Variants in ZFPM2 observed in about 807,000 individuals in gnomAD.
ZFPM2 encodes zinc finger protein, FOG family member 2.
A neutral mutation model predicts 98.6 loss-of-function variants in ZFPM2; 20 were observed. The observed-to-expected ratio is 0.20, with a 90% confidence interval of 0.14 to 0.29. ZFPM2 has a LOEUF of 0.29. ZFPM2 is among the 10% of genes least tolerant of loss of function. The probability of loss-of-function intolerance (pLI) is 1.00; values close to 1 mark genes in which losing one functional copy is unlikely to be tolerated. For missense variants in ZFPM2, 1,310 were observed against 1,388.6 expected (o/e 0.94, Z 0.90); for synonymous variants, 518 against 502.7 (o/e 1.03, Z -0.41).
In ZFPM2 at chr8:105,629,539, G is replaced by A. The variant is rs371703062; in HGVS notation, c.421-4707G>A. ...ATAGACTTGAGGGCTTAAAACAACA[G>A]AAATTTATTATCTCATATCCTGTAG... On this transcript the variant is annotated intron_variant, in intron 4 of 7. Transcript: ENST00000407775. Among the ~76,000 whole-genome samples, 3 of 152,140 alleles carry A rather than the reference G, an allele frequency of 2.0e-5. No homozygotes were observed. The East Asian group carries it at 5.8e-4, about 29-fold the overall frequency.
chr8:105,780,452 C>A (rs1213121192), intron 5 of ZFPM2: 1 of 152,158 alleles, frequency 6.6e-6, no homozygotes, highest in Non-Finnish European at 1.5e-5. Context: ...ATATAATCAA[C>A]AAATTTACCA....
intron 5 of ZFPM2, 123 bp from the exon 6 acceptor site, chr8:105,788,595 A>ACACTC: frequency 1.1e-6 from 1 of 931,436 alleles, no homozygotes; most frequent in Non-Finnish European, 1.7e-6. Context: ...CCTTGATCAA[A>ACACTC]CACTCCACTC....
At chr8:105,524,787 G>A (rs1358460284) in intron 3 of ZFPM2, among the ~76,000 whole-genome samples, 1 of 152,104 alleles carries the variant, frequency 6.6e-6, no homozygotes, top group Non-Finnish European at 1.5e-5. Flanking sequence ...GGCTGCACAA[G>A]TGTCAACTTT....
chr8:105,696,317 A>C (rs1027335976), intron 5 of ZFPM2, among the ~76,000 whole-genome samples: 6 of 152,132 alleles, frequency 3.9e-5, no homozygotes, highest in African/African-American at 1.2e-4. Flanking sequence ...TCCTTCACTT[A>C]CCCTTATATG....
intron 5 of ZFPM2, among the ~76,000 whole-genome samples, chr8:105,713,190 G>A (rs187424091): frequency 3.8e-4 from 57 of 151,778 alleles, no homozygotes; most frequent in African/African-American, 1.1e-3. Context: ...TAGTCTCCCC[G>A]GCATGTTATT....
At chr8:105,330,243 G>C (rs1812186215) in intron 1 of ZFPM2, among the ~76,000 whole-genome samples, 1 of 151,356 alleles carries the variant, frequency 6.6e-6, no homozygotes. Flanking sequence ...ATTTTTCTCT[G>C]AGTTTTAAGG....
chr8:105,703,796 A>G (rs1811197679), intron 5 of ZFPM2, among the ~76,000 whole-genome samples: 1 of 152,206 alleles, frequency 6.6e-6, no homozygotes. Context: ...TGTTCAGGGC[A>G]ATATGGCTCA....
At chr8:105,483,998 TGCTGGGA>T (rs1813178154) in intron 3 of ZFPM2, among the ~76,000 whole-genome samples, 1 of 152,040 alleles carries the variant, frequency 6.6e-6, no homozygotes. Context: ...CCTCCCAAGG[TGCTGGGA>T]TTACAGGTGT....
intron 4 of ZFPM2, among the ~76,000 whole-genome samples, chr8:105,623,802 C>T (rs1563747609): frequency 6.6e-6 from 1 of 152,104 alleles, no homozygotes; most frequent in Non-Finnish European, 1.5e-5. Context: ...GTATGTACCT[C>T]TGTTAGATAC....
At chr8:105,339,787 TTC>T (rs1330830241) in intron 1 of ZFPM2, among the ~76,000 whole-genome samples, 1 of 151,918 alleles carries the variant, frequency 6.6e-6, no homozygotes, top group Non-Finnish European at 1.5e-5. Flanking sequence ...CTCATTCATA[TTC>T]TCTCTCTCGC....
chr8:105,754,946 A>ATGTGTGTG lies in ZFPM2; in HGVS notation c.533-33741_533-33734dup, dbSNP rs34267329. On this transcript the variant is annotated intron_variant, in intron 5 of 7. Transcript: ENST00000407775. ...TTGTGACGGTCTGGAGAAATTTAAT[A>ATGTGTGTG]TGTGTGTGTGTGTGTGTGTGTGTGT... is the stretch of plus-strand genomic sequence containing the variant. 3.8e-3 allele frequency among the ~76,000 whole-genome samples: 561 copies of ATGTGTGTG among 146,548 alleles called. 4 individuals carry two copies. The highest frequency in any genetic ancestry group is 9.3e-3 in the African/African-American group (377 of 40,392).
chr8:105,716,861 T>C (rs1429206397), intron 5 of ZFPM2, among the ~76,000 whole-genome samples: 3 of 152,018 alleles, frequency 2.0e-5, no homozygotes, highest in Admixed American at 2.0e-4. Flanking sequence ...TCTCCACCAA[T>C]GCTGAGCCTC....
chr8:105,497,650 T>C (rs1813502342), intron 3 of ZFPM2, among the ~76,000 whole-genome samples: 1 of 152,176 alleles, frequency 6.6e-6, no homozygotes, highest in African/African-American at 2.4e-5. Context: ...GAATTAGCTT[T>C]TTTACTTCAT....
At chr8:105,461,360 C>A (rs1289947112) in intron 3 of ZFPM2, among the ~76,000 whole-genome samples, 1 of 152,054 alleles carries the variant, frequency 6.6e-6, no homozygotes, top group African/African-American at 2.4e-5. Flanking sequence ...TGAAATATTT[C>A]AACCATGATT....
chr8:105,323,778 A>C (rs1207049782), intron 1 of ZFPM2, among the ~76,000 whole-genome samples: 2 of 151,878 alleles, frequency 1.3e-5, no homozygotes, highest in Non-Finnish European at 3.0e-5. Flanking sequence ...TTTAAAGTTC[A>C]ATGGAGTCAG....
At chr8:105,450,985 G>GAA (rs1277102182) in intron 3 of ZFPM2, among the ~76,000 whole-genome samples, 1 of 145,044 alleles carries the variant, frequency 6.9e-6, no homozygotes, top group African/African-American at 2.5e-5. Context: ...CAACCAAAAA[G>GAA]AAAAAAAAAA....
rs551438238 is a variant in ZFPM2 at position 105,544,358 on chromosome 8, C to G, written c.302-17005C>G. Among the ~76,000 whole-genome samples, 3 of 152,222 alleles carry G rather than the reference C, an allele frequency of 2.0e-5. No homozygotes were observed. In the South Asian group the frequency reaches 6.2e-4, roughly 32 times the overall value. ...GCCATGATTTGTAATTGGAGTCTTC[C>G]TTACCCTCCCCTAATGATGTTGGCT... On this transcript the variant is annotated intron_variant, in intron 3 of 7. Transcript: ENST00000407775.
chr8:105,659,102 TA>T (rs1817342217), intron 5 of ZFPM2, among the ~76,000 whole-genome samples: 1 of 152,136 alleles, frequency 6.6e-6, no homozygotes, highest in Admixed American at 6.5e-5. Context: ...TTCCAGACAA[TA>T]TCAGATAGCT....
intron 6 of ZFPM2, among the ~76,000 whole-genome samples, chr8:105,794,454 A>T (rs1813727372): frequency 6.6e-6 from 1 of 152,010 alleles, no homozygotes; most frequent in African/African-American, 2.4e-5. Context: ...GTCTCAGAGG[A>T]GTATCTGGCT....
Sources: allele counts gnomAD v4.1 joint callset (sites outside exome capture counted in the v4.1 genomes callset), GRCh38; gene constraint gnomAD v4.1.1; transcripts MANE v1.5; gene names NCBI Gene and HGNC (gene_info 2026-07-23, HGNC 2026-07-21).